The following AJAP1 variants were observed in gnomAD, a reference collection of about 807,000 sequenced individuals.
AJAP1 encodes the protein adherens junction-associated protein 1.
In AJAP1, 5 loss-of-function variants were observed where a neutral mutation model predicts 35.0. The observed-to-expected ratio is 0.14, with a 90% confidence interval of 0.07 to 0.30. The LOEUF (loss-of-function observed/expected upper bound fraction) is 0.30. Among genes scored for constraint, AJAP1 ranks in the 10% least tolerant of loss-of-function variants. The pLI is 1.00. For synonymous variants in AJAP1, 284 were observed against 249.3 expected (o/e 1.14, Z -1.31); for missense variants, 586 against 571.0 (o/e 1.03, Z -0.27).
Position 4,655,839 on chromosome 1 carries a change from G to C in AJAP1, c.29+385G>C, listed in dbSNP as rs1370374623. Among the ~76,000 whole-genome samples, 1 of 150,164 alleles carries C rather than the reference G, an allele frequency of 6.7e-6. No individual in the cohort carries two copies. The highest frequency in any genetic ancestry group is 1.5e-5 in the Non-Finnish European group (1 of 67,358). The stretch of plus-strand genomic sequence containing the variant: ...CCGGCCGCTGGGCGCGGCGGGCGCG[G>C]GGGCCGGGGCTGCCGGGGAAAGCTA... On this transcript the variant is annotated intron_variant, in intron 1 of 5. Transcript: ENST00000378191. This position sits in a 1 kb window ranked among gnomAD's most constrained non-coding sequence, Gnocchi z 6.9.
chr1:4,714,701 G>A (rs1052428545), intron 2 of AJAP1, among the ~76,000 whole-genome samples: 4 of 152,204 alleles, frequency 2.6e-5, no homozygotes, highest in African/African-American at 4.8e-5. Flanking sequence ...GAAAATATGT[G>A]TGTTTGTTTC....
At chr1:4,764,003 C>A (rs425005) in intron 2 of AJAP1, among the ~76,000 whole-genome samples, 34,394 of 151,798 alleles carry the variant, frequency 0.23, 4,290 homozygotes, top group Middle Eastern at 0.33. Context: ...CTGACCTGAA[C>A]CCCCTGTGGT....
At chr1:4,700,361 C>G (rs1639958673) in intron 1 of AJAP1, among the ~76,000 whole-genome samples, 1 of 152,124 alleles carries the variant, frequency 6.6e-6, no homozygotes, top group Non-Finnish European at 1.5e-5. Context: ...CTGGGCCTCG[C>G]CCCCACAGGC....
intron 5 of AJAP1, among the ~76,000 whole-genome samples, chr1:4,780,442 G>A (rs1361502560): frequency 6.6e-6 from 1 of 151,948 alleles, no homozygotes; most frequent in East Asian, 1.9e-4. Context: ...GGACATATAA[G>A]AGGGATATTT....
At chr1:4,707,209 C>G (rs1640120474) in intron 1 of AJAP1, among the ~76,000 whole-genome samples, 5 of 152,322 alleles carry the variant, frequency 3.3e-5, no homozygotes, top group Admixed American at 2.0e-4. Context: ...GGGTGCCACG[C>G]CATGCACTCC....
intron 1 of AJAP1, among the ~76,000 whole-genome samples, chr1:4,679,808 G>GTGTGT (rs1639439026): frequency 7.0e-6 from 1 of 142,324 alleles, no homozygotes; most frequent in Non-Finnish European, 1.5e-5. Flanking sequence ...GAACCAATAG[G>GTGTGT]GTGTGTGTGT....
intron 1 of AJAP1, among the ~76,000 whole-genome samples, chr1:4,702,505 G>A (rs541582432): frequency 2.3e-3 from 356 of 152,358 alleles, no homozygotes; most frequent in Admixed American, 3.9e-3. Context: ...GCTTGACCGT[G>A]GAACCCTTCG....
At chr1:4,735,756 G>C (rs435239) in intron 2 of AJAP1, among the ~76,000 whole-genome samples, 136,715 of 152,166 alleles carry the variant, frequency 0.9, 62,676 homozygotes, top group African/African-American at 0.94. Context: ...TAAGCCCCTC[G>C]ACAAGCTGCC....
intron 2 of AJAP1, among the ~76,000 whole-genome samples, chr1:4,747,309 C>G (rs1270945765): frequency 6.6e-6 from 1 of 152,146 alleles, no homozygotes; most frequent in Non-Finnish European, 1.5e-5. Flanking sequence ...GAGTTGTTCC[C>G]CGCTCCTCCA....
intron 5 of AJAP1, among the ~76,000 whole-genome samples, chr1:4,777,122 T>G (rs1475321420): frequency 6.6e-6 from 1 of 152,220 alleles, no homozygotes; most frequent in Non-Finnish European, 1.5e-5. Flanking sequence ...ATCTTGCAAT[T>G]AATGCCTGGA....
chr1:4,732,594 T>G (rs4448488), intron 2 of AJAP1, among the ~76,000 whole-genome samples: 3,857 of 152,358 alleles, frequency 0.025, 57 homozygotes, highest in Middle Eastern at 0.044. Context: ...TGCTGTAACT[T>G]ACTGTCAATG....
At chr1:4,694,508 C>A (rs144765458) in intron 1 of AJAP1, among the ~76,000 whole-genome samples, 2 of 152,214 alleles carry the variant, frequency 1.3e-5, no homozygotes, top group African/African-American at 4.8e-5. Flanking sequence ...GGACAGACAC[C>A]GTCCTTGTTC....
At chr1:4,694,835 C>A (rs1639822537) in intron 1 of AJAP1, among the ~76,000 whole-genome samples, 1 of 152,084 alleles carries the variant, frequency 6.6e-6, no homozygotes, top group Admixed American at 6.5e-5. Flanking sequence ...ACAGTGGAAG[C>A]GAACAGAGGA....
At chr1:4,710,643 A>G (rs1023994271) in intron 1 of AJAP1, among the ~76,000 whole-genome samples, 1 of 152,258 alleles carries the variant, frequency 6.6e-6, no homozygotes, top group African/African-American at 2.4e-5. Flanking sequence ...TTGGCACCTG[A>G]ACACCCTCGC....
intron 2 of AJAP1, among the ~76,000 whole-genome samples, chr1:4,739,619 C>T (rs1294256914): frequency 6.6e-6 from 1 of 152,166 alleles, no homozygotes; most frequent in East Asian, 1.9e-4. Context: ...TGGTATTTTT[C>T]GTGTTCTCTC....
rs533230294 is a variant in AJAP1, at chr1:4,787,423, A to G, written c.*4938A>G. 11 of 296,598 alleles carry G rather than the reference A, an allele frequency of 3.7e-5. No homozygotes were observed. The East Asian group carries it at 1.3e-3, about 34-fold the overall frequency. 18.4% of individuals were successfully genotyped at this position (296,598 alleles called of 1,614,324 possible). On this transcript the variant is annotated 3_prime_UTR_variant, in exon 6 of 6. Transcript: ENST00000378191. ...CTCCTCCTCCTGCGACCCATCACCT[A>G]CTGGAAAATTACCACTTGCTGCTTG...
At chr1:4,695,130 G>A (rs1309939654) in intron 1 of AJAP1, among the ~76,000 whole-genome samples, 1 of 151,682 alleles carries the variant, frequency 6.6e-6, no homozygotes, top group Non-Finnish European at 1.5e-5. Context: ...TGTGTGGATG[G>A]AGGCAGGGAT....
At position 4,749,184 on chromosome 1, in the gene AJAP1, A is replaced by T. The variant is rs140433754; in HGVS notation, c.830-20669A>T. Among the ~76,000 whole-genome samples the T allele has an allele frequency of 1.1e-4, 17 of 152,308 alleles. No homozygotes were observed. The East Asian group carries it at 2.1e-3, about 19-fold the overall frequency. On this transcript the variant is annotated intron_variant, in intron 2 of 5. Coordinates refer to ENST00000378191, the MANE Select transcript of AJAP1 (RefSeq NM_018836.4). Reference sequence around the variant, plus strand: ...TTCCGTGAGCTCACACGGTGAGCAGAGTGTGTCCAGCTTAGGTCCCTTGGG... The same window carrying T: ...TTCCGTGAGCTCACACGGTGAGCAGTGTGTGTCCAGCTTAGGTCCCTTGGG...
chr1:4,697,337 A>T (rs1011689901), intron 1 of AJAP1, among the ~76,000 whole-genome samples: 2 of 152,250 alleles, frequency 1.3e-5, no homozygotes, highest in African/African-American at 4.8e-5. Flanking sequence ...TGGAGGAGAA[A>T]TCAAAGGAAG....
Sources: allele counts gnomAD v4.1 joint callset (sites outside exome capture counted in the v4.1 genomes callset), GRCh38; gene constraint gnomAD v4.1.1; non-coding constraint Gnocchi (gnomAD v3.1); transcripts MANE v1.5; gene names NCBI Gene and HGNC (gene_info 2026-07-23, HGNC 2026-07-21).